The following TMEM270 variants were observed in gnomAD, a reference collection of about 807,000 sequenced individuals.
TMEM270 encodes transmembrane protein 270, also known as Williams-Beuren syndrome chromosome region 28.
TMEM270 carries 30 observed loss-of-function variants against 29.9 expected under a neutral mutation model. The observed-to-expected ratio is 1.00, with a 90% CI of 0.75 to 1.36. The LOEUF is 1.36. Among genes scored for constraint, TMEM270 ranks in the 40% most tolerant of loss-of-function variants. The pLI is 0.00. For missense variants in TMEM270, 313 were observed against 307.1 expected (o/e 1.02, Z -0.14); for synonymous variants, 135 against 139.8 (o/e 0.97, Z 0.24).
intron 1 of TMEM270, among the ~76,000 whole-genome samples, chr7:73,864,215 G>A (rs1372665043): frequency 6.7e-6 from 1 of 148,720 alleles, no homozygotes; most frequent in Admixed American, 6.8e-5. Flanking sequence ...TTGAGCCTAT[G>A]AGTTCAAGAC....
In TMEM270 at chr7:73,865,115, C is replaced by T. The variant is rs1554639750; in HGVS notation, c.195C>T (p.Pro65=). ...CCTGTAACTGGCAGGCCCACCTACC[C>T]CTGGGAGCTGCAGCCTGCCCCCTGG... is the stretch of plus-strand genomic sequence containing the variant. ...RGSCNWQAHL[P]LGAAACPLGQ... The change falls in exon 2 of 3, where the codon CCC becomes CCT. Residue 65 remains proline, a synonymous_variant. Transcript: ENST00000320531. 2.5e-6 allele frequency: 4 copies of T among 1,596,642 alleles called. No homozygotes were observed. Among genetic ancestry groups the T allele is most frequent in the Admixed American group, 1.7e-5 (1 of 58,202 alleles).
intron 1 of TMEM270, 149 bp from the exon 2 acceptor site, chr7:73,864,844 A>G (rs1250023648): frequency 3.1e-6 from 2 of 651,448 alleles, no homozygotes; most frequent in Admixed American, 2.9e-5. Flanking sequence ...TGGAGGTTGC[A>G]GTGAGCCGAG....
At chr7:73,864,013 C>T (rs1410858169) in intron 1 of TMEM270, among the ~76,000 whole-genome samples, 3 of 148,276 alleles carry the variant, frequency 2.0e-5, no homozygotes, top group Non-Finnish European at 4.4e-5. Flanking sequence ...TATAGTGGCT[C>T]ATGCCTGCAA....
chr7:73,864,984 C>A lies in TMEM270; in HGVS notation c.73-9C>A, dbSNP rs1563665666. The A allele has an allele frequency of 3.4e-6, 5 of 1,476,056 alleles. No individual in the cohort carries two copies. In the South Asian group the frequency reaches 7.5e-5, roughly 22 times the overall value. 91.4% of individuals were successfully genotyped at this position (1,476,056 alleles called of 1,614,324 possible). A position where few individuals can be genotyped will look rare whatever the true frequency, so the allele number is the denominator to read the frequency against. On this transcript the variant is annotated splice_polypyrimidine_tract_variant and intron_variant, in intron 1 of 2. Coordinates refer to ENST00000320531, the MANE Select transcript of TMEM270 (RefSeq NM_182504.4). ...TGGCTGACGGTTGTCTCTCTCTCTT[C>A]TTCTGCAGTTGGTTCAGAACCGAGA...
intron 1 of TMEM270, among the ~76,000 whole-genome samples, chr7:73,864,114 CAA>C (rs34181696): frequency 0.018 from 1,423 of 80,934 alleles, 7 homozygotes; most frequent in African/African-American, 0.055. Context: ...CCCGCCTCTA[CAA>C]AAAAAAAAAA....
chr7:73,863,353 C>T (rs140574035), intron 1 of TMEM270, among the ~76,000 whole-genome samples: 43 of 152,052 alleles, frequency 2.8e-4, no homozygotes, highest in African/African-American at 9.2e-4. Context: ...TGGGAGACAC[C>T]GTTGTCCAAC....
Position 73,865,734 on chromosome 7 carries a change from A to G in TMEM270, c.659A>G (p.Glu220Gly). 2 of 1,614,016 alleles carry G rather than the reference A, an allele frequency of 1.2e-6. No homozygotes were observed. ...LASHLLQAAF[E>G]HTTQLAEAQE... ...TCCCACCTGCTGCAGGCTGCCTTTG[A>G]GCACACGACCCAGCTGGCCGAGGCC... is the stretch of plus-strand genomic sequence containing the variant. The change falls in exon 3 of 3, where the codon GAG becomes GGG. Residue 220 changes from glutamate to glycine, a missense_variant. By Grantham distance (98) the Glu-to-Gly change is moderately conservative (BLOSUM62 -2). Coordinates refer to ENST00000320531, the MANE Select transcript of TMEM270 (RefSeq NM_182504.4).
At chr7:73,861,296 G>A (rs781928152) in intron 1 of TMEM270, 30 bp downstream of exon 1, 1 of 1,571,144 alleles carries the variant, frequency 6.4e-7, no homozygotes, top group Admixed American at 1.7e-5. Context: ...AAGTGGGGTG[G>A]GGACCACACA....
At chr7:73,864,390 C>T (rs1451635814) in intron 1 of TMEM270, among the ~76,000 whole-genome samples, 3 of 151,972 alleles carry the variant, frequency 2.0e-5, no homozygotes, top group African/African-American at 7.2e-5. Context: ...GATGACACCA[C>T]TGCACTCCAG....
At chr7:73,860,986 C>T (rs527805223), upstream of TMEM270, among the ~76,000 whole-genome samples, 10 of 152,132 alleles carry the variant, frequency 6.6e-5, no homozygotes, top group African/African-American at 9.7e-5. Context: ...AAATCCGACC[C>T]GAAGGAAGCT....
intron 1 of TMEM270, among the ~76,000 whole-genome samples, chr7:73,864,075 C>G (rs371195068): frequency 7.8e-6 from 1 of 127,400 alleles, no homozygotes; most frequent in Non-Finnish European, 1.6e-5. Context: ...GCCAGGAGTT[C>G]GAAACCAGCC....
chr7:73,861,833 C>T (rs1554639329), intron 1 of TMEM270, among the ~76,000 whole-genome samples: 1 of 152,062 alleles, frequency 6.6e-6, no homozygotes, highest in Non-Finnish European at 1.5e-5. Context: ...GAGTCTCGCT[C>T]TGTTGCCCAG....
At chr7:73,863,175 C>T (rs1319828261) in intron 1 of TMEM270, among the ~76,000 whole-genome samples, 3 of 152,120 alleles carry the variant, frequency 2.0e-5, no homozygotes, top group Non-Finnish European at 4.4e-5. Flanking sequence ...GGGGGTCTTG[C>T]AGCCAATCTC....
At chr7:73,861,632 A>C (rs1474970766) in intron 1 of TMEM270, 6 of 365,852 alleles carry the variant, frequency 1.6e-5, no homozygotes, top group Non-Finnish European at 3.3e-5. Context: ...TATTTTGTAG[A>C]GATGGTGTCT....
intron 1 of TMEM270, 96 bp downstream of exon 1, chr7:73,861,362 A>C: frequency 8.2e-7 from 1 of 1,220,308 alleles, no homozygotes; most frequent in Admixed American, 2.1e-5. Context: ...TGCCTGTCCC[A>C]TCCAGTGGAA....
intron 1 of TMEM270, among the ~76,000 whole-genome samples, chr7:73,862,970 G>A (rs60711405): frequency 0.031 from 4,718 of 150,168 alleles, 216 homozygotes; most frequent in African/African-American, 0.11. Context: ...CTCTGAGCCC[G>A]TTTCCTCTCC....
At chr7:73,861,109 GT>G (rs1788764169), upstream of TMEM270, 1 of 1,382,488 alleles carries the variant, frequency 7.2e-7, no homozygotes, top group African/African-American at 1.4e-5. Flanking sequence ...CGGCAACCGG[GT>G]CCCCATGGTA....
chr7:73,864,884 C>T, intron 1 of TMEM270, 109 bp from the exon 2 acceptor site: 3 of 1,003,222 alleles, frequency 3.0e-6, no homozygotes, highest in Non-Finnish European at 4.1e-6. Flanking sequence ...GCCTGGGCAA[C>T]AAGAGTGAAA....
chr7:73,864,917 A>AAT, intron 1 of TMEM270, 76 bp from the exon 2 acceptor site: 6 of 1,160,996 alleles, frequency 5.2e-6, no homozygotes, highest in Non-Finnish European at 7.0e-6. Flanking sequence ...AAAAAAAAAA[A>AAT]GAAAAAGAAA....
Sources: allele counts gnomAD v4.1 joint callset (sites outside exome capture counted in the v4.1 genomes callset), GRCh38; gene constraint gnomAD v4.1.1; transcripts MANE v1.5; gene names NCBI Gene and HGNC (gene_info 2026-07-23, HGNC 2026-07-21).